CEP63: variants seen among roughly 807,000 people sequenced by gnomAD.
CEP63 encodes the protein centrosomal protein of 63 kDa.
A neutral mutation model predicts 89.1 loss-of-function variants in CEP63; 84 were observed. The observed-to-expected ratio is 0.94, with a 90% CI of 0.79 to 1.13. The LOEUF (loss-of-function observed/expected upper bound fraction) is 1.13. CEP63 is among the 50% of genes most tolerant of loss of function. The pLI is 0.00. For missense variants in CEP63, 838 were observed against 813.3 expected, an observed-to-expected ratio of 1.03 and a Z score of -0.37; for synonymous variants, 267 against 272.5, an observed-to-expected ratio of 0.98 and a Z score of 0.20.
chr3:134,740,553 T>A, the CEP63 span, among the ~76,000 whole-genome samples: 1 of 152,120 alleles, frequency 6.6e-6, no homozygotes, highest in East Asian at 1.9e-4. Context: ...CGCCTTGGCC[T>A]CCCAAAGTGC....
chr3:134,588,438 A>T (rs960910723), downstream of CEP63, among the ~76,000 whole-genome samples: 1 of 152,238 alleles, frequency 6.6e-6, no homozygotes, highest in Non-Finnish European at 1.5e-5. Context: ...ATTTAAAAAA[A>T]ATATCTAAGT....
chr3:134,683,821 C>T, the CEP63 span, among the ~76,000 whole-genome samples: 1 of 152,214 alleles, frequency 6.6e-6, no homozygotes, highest in Non-Finnish European at 1.5e-5. Context: ...GATCCTCCCC[C>T]TTCCCACCTC....
chr3:134,641,877 T>C, the CEP63 span, among the ~76,000 whole-genome samples: 7 of 152,314 alleles, frequency 4.6e-5, no homozygotes, highest in African/African-American at 1.7e-4. Flanking sequence ...TCTGTCTTCT[T>C]CACTAAGTGA....
the CEP63 span, among the ~76,000 whole-genome samples, chr3:134,675,544 A>G: frequency 6.6e-6 from 1 of 152,226 alleles, no homozygotes; most frequent in African/African-American, 2.4e-5. Flanking sequence ...GACTTTCTAA[A>G]AACAAAATGT....
At chr3:134,550,016 A>C (rs1459877448) in intron 10 of CEP63, 47 bp from the exon 11 acceptor site, 2 of 1,339,106 alleles carry the variant, frequency 1.5e-6, no homozygotes, top group African/African-American at 2.9e-5. Flanking sequence ...ATTCTATCTA[A>C]ATGCTTTCTC....
the CEP63 span, among the ~76,000 whole-genome samples, chr3:134,677,182 C>T: frequency 1.4e-5 from 2 of 141,562 alleles, no homozygotes; most frequent in Non-Finnish European, 3.1e-5. Context: ...TTGCTTGAAC[C>T]CGGCAGGCGG....
chr3:134,648,316 G>A, the CEP63 span, among the ~76,000 whole-genome samples: 12 of 152,230 alleles, frequency 7.9e-5, no homozygotes, highest in Admixed American at 3.9e-4. Flanking sequence ...CTCAGGGGCC[G>A]CCACTCTCTT....
chr3:134,647,527 G>A, the CEP63 span: 3 of 1,417,754 alleles, frequency 2.1e-6, no homozygotes, highest in Non-Finnish European at 2.0e-6. Flanking sequence ...TCTGAGGTGG[G>A]AGACTCAGGG....
the CEP63 span, among the ~76,000 whole-genome samples, chr3:134,611,390 G>A: frequency 1.3e-5 from 2 of 152,166 alleles, no homozygotes; most frequent in African/African-American, 2.4e-5. Flanking sequence ...TCCTTTCATG[G>A]CCAGCTGGTC....
At chr3:134,692,101 T>A in the CEP63 span, among the ~76,000 whole-genome samples, 42 of 140,578 alleles carry the variant, frequency 3.0e-4, 1 homozygote, top group South Asian at 5.6e-3. Flanking sequence ...GATTTTTTTT[T>A]TAATTAATTA....
At chr3:134,604,131 C>T in the CEP63 span, 2 of 1,608,268 alleles carry the variant, frequency 1.2e-6, no homozygotes, top group South Asian at 1.1e-5. Flanking sequence ...TGGAGCAGCG[C>T]CCGTCGCTGG....
At chr3:134,770,599 T>C in the CEP63 span, among the ~76,000 whole-genome samples, 2 of 152,244 alleles carry the variant, frequency 1.3e-5, no homozygotes, top group Non-Finnish European at 2.9e-5. Context: ...AACATTAAGC[T>C]AGTTTAAGCT....
chr3:134,501,129 T>C (rs1223437631), intron 2 of CEP63, among the ~76,000 whole-genome samples: 1 of 152,244 alleles, frequency 6.6e-6, no homozygotes, highest in African/African-American at 2.4e-5. Flanking sequence ...GTCAGCTTTG[T>C]TGAAGATCAG....
At chr3:134,668,592 A>G in the CEP63 span, among the ~76,000 whole-genome samples, 1 of 152,052 alleles carries the variant, frequency 6.6e-6, no homozygotes, top group African/African-American at 2.4e-5. Flanking sequence ...AGAACATATC[A>G]TGGAGCTGCT....
chr3:134,485,998 C>CCCCT (rs1309270212), upstream of CEP63: 2 of 981,606 alleles, frequency 2.0e-6, no homozygotes, highest in East Asian at 2.3e-4. Flanking sequence ...CACGCCCCCC[C>CCCCT]CCCCTCCCCC....
chr3:134,639,951 A>AAAAC, the CEP63 span: 2 of 23,396 alleles, frequency 8.5e-5, no homozygotes, highest in Non-Finnish European at 1.8e-4. Flanking sequence ...CCCTGTCTCA[A>AAAAC]AAAAAAAAAA....
chr3:134,657,320 C>T, the CEP63 span, among the ~76,000 whole-genome samples: 2 of 152,182 alleles, frequency 1.3e-5, no homozygotes, highest in Non-Finnish European at 2.9e-5. Flanking sequence ...CCACAACACA[C>T]AGGAATTCTG....
At chr3:134,672,388 A>G in the CEP63 span, among the ~76,000 whole-genome samples, 3 of 152,342 alleles carry the variant, frequency 2.0e-5, no homozygotes, top group Admixed American at 2.0e-4. Context: ...GAGCCTAAAA[A>G]CAACTACCAA....
At chr3:134,538,829 C>A (rs1483618960) in intron 6 of CEP63, among the ~76,000 whole-genome samples, 1 of 151,822 alleles carries the variant, frequency 6.6e-6, no homozygotes, top group Non-Finnish European at 1.5e-5. Flanking sequence ...ATTATAGATT[C>A]TCTCTTCAAA....
Sources: gnomAD v4.1 joint callset for allele counts (sites outside exome capture counted in the v4.1 genomes callset) on GRCh38, gnomAD v4.1.1 for gene constraint, MANE v1.5 for transcripts, NCBI Gene and HGNC (gene_info 2026-07-23, HGNC 2026-07-21) for gene names.